SLC4A10: variants seen among roughly 807,000 people sequenced by gnomAD.
SLC4A10 encodes the protein sodium-driven chloride bicarbonate exchanger.
In SLC4A10, 42 loss-of-function variants were observed where a neutral mutation model predicts 137.7. That is an observed-to-expected ratio of 0.30 (90% CI 0.24 to 0.39). SLC4A10 has a LOEUF of 0.39. Ranked by LOEUF, SLC4A10 falls within the 10% of genes least tolerant of loss-of-function variation. SLC4A10 has a pLI of 1.00. For synonymous variants in SLC4A10, 474 were observed against 464.1 expected (o/e 1.02, Z -0.27); for missense variants, 925 against 1,355.0 (o/e 0.68, Z 4.98).
intron 1 of SLC4A10, among the ~76,000 whole-genome samples, chr2:161,692,270 G>A (rs1409132689): frequency 6.6e-6 from 1 of 151,810 alleles, no homozygotes; most frequent in African/African-American, 2.4e-5. Flanking sequence ...TAGATATATA[G>A]AAATATAAAA....
At chr2:161,724,575 A>G (rs1019516057) in intron 1 of SLC4A10, among the ~76,000 whole-genome samples, 6 of 152,142 alleles carry the variant, frequency 3.9e-5, no homozygotes, top group Non-Finnish European at 4.4e-5. Flanking sequence ...CAATTTACCA[A>G]ATCTGGGGGT....
intron 6 of SLC4A10, among the ~76,000 whole-genome samples, chr2:161,868,479 A>T (rs996192557): frequency 2.0e-5 from 3 of 151,728 alleles, no homozygotes; most frequent in Non-Finnish European, 4.4e-5. Context: ...TATCTATTAT[A>T]ATTTGCCCTA....
intron 1 of SLC4A10, among the ~76,000 whole-genome samples, chr2:161,757,872 T>G (rs1020593334): frequency 6.6e-6 from 1 of 152,108 alleles, no homozygotes; most frequent in African/African-American, 2.4e-5. Flanking sequence ...AAAAATTCCA[T>G]CATCTCAATT....
At chr2:161,753,471 A>G (rs1200427519) in intron 1 of SLC4A10, among the ~76,000 whole-genome samples, 3 of 152,182 alleles carry the variant, frequency 2.0e-5, no homozygotes, top group Admixed American at 6.5e-5. Flanking sequence ...ATCAAAGTTC[A>G]AATTCTGCTT....
chr2:161,901,108 C>A, intron 12 of SLC4A10, 97 bp downstream of exon 12: 1 of 845,578 alleles, frequency 1.2e-6, no homozygotes, highest in Non-Finnish European at 2.0e-6. Context: ...TTATTGTATA[C>A]TTTTAATACC....
intron 1 of SLC4A10, among the ~76,000 whole-genome samples, chr2:161,770,253 A>G (rs1265248525): frequency 1.3e-5 from 2 of 151,896 alleles, no homozygotes; most frequent in Non-Finnish European, 2.9e-5. Flanking sequence ...CTGCATTGTC[A>G]AAATAGATTA....
chr2:161,744,840 T>C (rs183762257), intron 1 of SLC4A10, among the ~76,000 whole-genome samples: 79 of 152,334 alleles, frequency 5.2e-4, no homozygotes, highest in African/African-American at 1.8e-3. Flanking sequence ...TTTTGATAGG[T>C]TTATCTTTTA....
At chr2:161,882,746 A>G (rs917162815) in intron 10 of SLC4A10, among the ~76,000 whole-genome samples, 1 of 152,142 alleles carries the variant, frequency 6.6e-6, no homozygotes, top group Non-Finnish European at 1.5e-5. Flanking sequence ...ACCATTGTTA[A>G]TATCAATGGA....
intron 1 of SLC4A10, among the ~76,000 whole-genome samples, chr2:161,660,609 T>TTCCTTTCC (rs1438457223): frequency 2.1e-4 from 32 of 149,850 alleles, no homozygotes; most frequent in African/African-American, 3.4e-4. Flanking sequence ...TCTTTCTTTC[T>TTCCTTTCC]TTCTTTCTTT....
chr2:161,725,932 A>G (rs2046175232), intron 1 of SLC4A10, among the ~76,000 whole-genome samples: 1 of 152,216 alleles, frequency 6.6e-6, no homozygotes, highest in South Asian at 2.1e-4. Flanking sequence ...ACCATGTATA[A>G]CATTTAAAAG....
chr2:161,928,570 A>G (rs144183293), intron 15 of SLC4A10, among the ~76,000 whole-genome samples: 1 of 149,856 alleles, frequency 6.7e-6, no homozygotes, highest in African/African-American at 2.4e-5. Flanking sequence ...TATCTTGAAA[A>G]TTAAAAAAAA....
chr2:161,820,747 G>A (rs930370020), intron 3 of SLC4A10, among the ~76,000 whole-genome samples: 3 of 152,124 alleles, frequency 2.0e-5, no homozygotes, highest in Non-Finnish European at 2.9e-5. Context: ...ATAATGCTGT[G>A]AACATTTTTC....
chr2:161,648,330 C>A lies in SLC4A10; in HGVS notation c.48+23764C>A, dbSNP rs564388411. Among the ~76,000 whole-genome samples the A allele has an allele frequency of 1.1e-3, 161 of 152,106 alleles. 1 individual carries two copies. The highest frequency in any genetic ancestry group is 1.8e-3 in the Non-Finnish European group (120 of 67,994). On this transcript the variant is annotated intron_variant, in intron 1 of 26. Transcript: ENST00000446997. ...TTACTCATTCACTTACCCCTTCATT[C>A]GAATATTTATTGAAAACGTACAGTA...
intron 4 of SLC4A10, among the ~76,000 whole-genome samples, chr2:161,842,873 C>T (rs1028231154): frequency 3.9e-5 from 6 of 151,988 alleles, no homozygotes; most frequent in South Asian, 2.1e-4. Flanking sequence ...AGTTAAAGTT[C>T]CTCCCTCCCT....
intron 1 of SLC4A10, among the ~76,000 whole-genome samples, chr2:161,685,388 T>G (rs928795171): frequency 6.6e-6 from 1 of 151,948 alleles, no homozygotes; most frequent in African/African-American, 2.4e-5. Flanking sequence ...GGTGGATTAT[T>G]AGAGGCCAGA....
At chr2:161,957,333 A>G in intron 20 of SLC4A10, 93 bp downstream of exon 20, 4 of 1,351,582 alleles carry the variant, frequency 3.0e-6, no homozygotes, top group Non-Finnish European at 3.0e-6. Context: ...ATTTGCAAAT[A>G]TTGTGTGGCA....
chr2:161,929,984 T>C (rs1335859490), intron 15 of SLC4A10, among the ~76,000 whole-genome samples: 1 of 152,178 alleles, frequency 6.6e-6, no homozygotes, highest in Non-Finnish European at 1.5e-5. Context: ...TGGGACACTA[T>C]ATAAATCTTT....
chr2:161,741,002 A>C (rs978108757), intron 1 of SLC4A10, among the ~76,000 whole-genome samples: 1 of 152,128 alleles, frequency 6.6e-6, no homozygotes, highest in African/African-American at 2.4e-5. Context: ...CTAAACGGCC[A>C]GGTACAATGG....
chr2:161,971,043 G>T (rs956698700), intron 23 of SLC4A10, among the ~76,000 whole-genome samples: 1 of 152,086 alleles, frequency 6.6e-6, no homozygotes, highest in Admixed American at 6.5e-5. Context: ...CCTTGACTTT[G>T]GTACTTTTCA....
Sources: allele counts gnomAD v4.1 joint callset (sites outside exome capture counted in the v4.1 genomes callset), GRCh38; gene constraint gnomAD v4.1.1; transcripts MANE v1.5; gene names NCBI Gene and HGNC (gene_info 2026-07-23, HGNC 2026-07-21).